SLC25A13: variants seen among roughly 807,000 people sequenced by gnomAD.
SLC25A13 encodes the protein electrogenic aspartate/glutamate antiporter SLC25A13, mitochondrial.
SLC25A13 carries 70 observed loss-of-function variants against 85.5 expected under a neutral mutation model. That is an observed-to-expected ratio of 0.82 (90% confidence interval 0.68 to 1.00). The LOEUF is 1.00. Ranked by LOEUF, SLC25A13 falls within the 50% of genes least tolerant of loss-of-function variation. The pLI is 0.00. For missense variants in SLC25A13, 765 were observed against 819.8 expected (o/e 0.93, Z 0.82); for synonymous variants, 259 against 288.7 (o/e 0.90, Z 1.04).
intron 14 of SLC25A13, among the ~76,000 whole-genome samples, chr7:96,138,234 C>T (rs941215136): frequency 6.6e-6 from 1 of 152,086 alleles, no homozygotes; most frequent in Non-Finnish European, 1.5e-5. Flanking sequence ...TTAGGTTAGC[C>T]GTCAGTTCAA....
intron 11 of SLC25A13, among the ~76,000 whole-genome samples, chr7:96,174,769 CA>C (rs893979736): frequency 5.9e-5 from 9 of 152,320 alleles, no homozygotes; most frequent in African/African-American, 2.2e-4. Context: ...ACAATCACTT[CA>C]GCCAGCCTTT....
intron 14 of SLC25A13, among the ~76,000 whole-genome samples, chr7:96,139,958 T>TTC (rs1792453748): frequency 2.2e-5 from 1 of 45,778 alleles, no homozygotes; most frequent in African/African-American, 8.5e-5. Flanking sequence ...TTTTTTTTTT[T>TTC]TTTTTTTTTT....
At chr7:96,262,276 CAATT>C (rs1438491131) in intron 3 of SLC25A13, among the ~76,000 whole-genome samples, 2 of 152,212 alleles carry the variant, frequency 1.3e-5, no homozygotes, top group East Asian at 1.9e-4. Flanking sequence ...GCAAATCAAA[CAATT>C]AATCCAGCTT....
At chr7:96,211,436 G>A (rs76882941) in intron 4 of SLC25A13, among the ~76,000 whole-genome samples, 1,621 of 151,952 alleles carry the variant, frequency 0.011, 29 homozygotes, top group African/African-American at 0.038. Context: ...AAATCTTCTA[G>A]AGTATACTAT....
chr7:96,124,593 T>C (rs1449758554), intron 15 of SLC25A13, among the ~76,000 whole-genome samples: 1 of 152,194 alleles, frequency 6.6e-6, no homozygotes, highest in Non-Finnish European at 1.5e-5. Flanking sequence ...TTGCTTATTG[T>C]TGATATTTGC....
chr7:96,185,937 A>C (rs1032661257), intron 9 of SLC25A13, among the ~76,000 whole-genome samples: 4 of 151,980 alleles, frequency 2.6e-5, no homozygotes, highest in Non-Finnish European at 5.9e-5. Context: ...AGCAAATAAA[A>C]ACATCAATGA....
chr7:96,175,084 C>A (rs1331262733), intron 11 of SLC25A13, among the ~76,000 whole-genome samples: 1 of 152,126 alleles, frequency 6.6e-6, no homozygotes, highest in Non-Finnish European at 1.5e-5. Flanking sequence ...CATACCAGAC[C>A]CCAGGGGCAT....
intron 11 of SLC25A13, among the ~76,000 whole-genome samples, chr7:96,179,862 T>A (rs1397261766): frequency 6.6e-6 from 1 of 152,176 alleles, no homozygotes; most frequent in Non-Finnish European, 1.5e-5. Context: ...GTGCCAGAAT[T>A]TTAAAGTTTA....
chr7:96,159,116 G>A (rs1258207314), intron 13 of SLC25A13, among the ~76,000 whole-genome samples: 1 of 152,282 alleles, frequency 6.6e-6, no homozygotes, highest in African/African-American at 2.4e-5. Context: ...AGATGAGGTG[G>A]CATGAGGTCG....
chr7:96,236,889 A>G (rs1796764360), intron 3 of SLC25A13, among the ~76,000 whole-genome samples: 1 of 152,208 alleles, frequency 6.6e-6, no homozygotes, highest in Non-Finnish European at 1.5e-5. Flanking sequence ...GCTGGTTGGA[A>G]CCAACATAGC....
intron 5 of SLC25A13, among the ~76,000 whole-genome samples, chr7:96,199,222 G>T (rs888649399): frequency 6.6e-6 from 1 of 152,100 alleles, no homozygotes; most frequent in Admixed American, 6.5e-5. Flanking sequence ...CCAGGCAGTC[G>T]GCTTCTGGAG....
intron 3 of SLC25A13, among the ~76,000 whole-genome samples, chr7:96,241,082 G>T (rs1208784179): frequency 1.4e-5 from 2 of 147,748 alleles, no homozygotes; most frequent in African/African-American, 5.0e-5. Context: ...AAGAAAGAAA[G>T]AAAGAAAGAA....
At chr7:96,128,507 C>T (rs1035839726) in intron 15 of SLC25A13, among the ~76,000 whole-genome samples, 1 of 152,104 alleles carries the variant, frequency 6.6e-6, no homozygotes, top group Non-Finnish European at 1.5e-5. Flanking sequence ...AGCTTTGTAG[C>T]TTATTCACTC....
At chr7:96,180,602 T>C (rs1794384193) in intron 11 of SLC25A13, among the ~76,000 whole-genome samples, 1 of 152,224 alleles carries the variant, frequency 6.6e-6, no homozygotes, top group African/African-American at 2.4e-5. Flanking sequence ...GTGCTGGGAT[T>C]ACAGGCATAA....
intron 13 of SLC25A13, among the ~76,000 whole-genome samples, chr7:96,160,961 C>G (rs1250250341): frequency 2.7e-5 from 4 of 147,378 alleles, no homozygotes; most frequent in African/African-American, 1.0e-4. Flanking sequence ...TTAGATAGTG[C>G]CATGAGGTTA....
chr7:96,173,676 A>C (rs147032509), intron 11 of SLC25A13, among the ~76,000 whole-genome samples: 2 of 152,276 alleles, frequency 1.3e-5, no homozygotes, highest in Non-Finnish European at 2.9e-5. Flanking sequence ...AGGCTTTCCA[A>C]AATGTTGGGA....
At chr7:96,234,744 AG>A in intron 4 of SLC25A13, 57 bp downstream of exon 4, 2 of 1,326,874 alleles carry the variant, frequency 1.5e-6, no homozygotes, top group Non-Finnish European at 1.1e-6. Flanking sequence ...AAAAAAAAAA[AG>A]AAAATGCTCA....
chr7:96,232,688 G>A (rs6965113), intron 4 of SLC25A13, among the ~76,000 whole-genome samples: 50,231 of 148,318 alleles, frequency 0.34, 9,088 homozygotes, highest in East Asian at 0.59. Flanking sequence ...TCCTCTTTTA[G>A]GCTATTTCTT....
chr7:96,126,249 G>A (rs1050132736), intron 15 of SLC25A13, among the ~76,000 whole-genome samples: 4 of 152,118 alleles, frequency 2.6e-5, no homozygotes, highest in Non-Finnish European at 4.4e-5. Flanking sequence ...CTGAAATGTA[G>A]GGAACTTCAC....
Sources: gnomAD v4.1 joint callset for allele counts (sites outside exome capture counted in the v4.1 genomes callset) on GRCh38, gnomAD v4.1.1 for gene constraint, MANE v1.5 for transcripts, NCBI Gene and HGNC (gene_info 2026-07-23, HGNC 2026-07-21) for gene names.